Variants in PTPRN2 observed in about 807,000 individuals in gnomAD.
The protein encoded by PTPRN2 is protein tyrosine phosphatase receptor type N2, also known as receptor-type tyrosine-protein phosphatase N2.
A neutral mutation model predicts 118.8 loss-of-function variants in PTPRN2; 74 were observed. The observed-to-expected ratio is 0.62, with a 90% CI of 0.52 to 0.76. PTPRN2 has a LOEUF of 0.76. Among genes scored for constraint, PTPRN2 ranks in the 30% least tolerant of loss-of-function variants. PTPRN2 has a pLI of 0.00. For synonymous variants in PTPRN2, 641 were observed against 608.0 expected (o/e 1.05, Z -0.80); for missense variants, 1,481 against 1,394.4 (o/e 1.06, Z -0.99).
intron 2 of PTPRN2, among the ~76,000 whole-genome samples, chr7:158,363,394 G>T (rs890673904): frequency 2.0e-5 from 3 of 152,122 alleles, no homozygotes; most frequent in Non-Finnish European, 4.4e-5. Flanking sequence ...ACCCACGCTG[G>T]AACCACTGCG....
At position 157,936,852 on chromosome 7, in the gene PTPRN2, T is replaced by C. The variant is rs186860207; in HGVS notation, c.1724-38115A>G. ...AGTTCGCAGGGAGTGTATGAGGCCA[T>C]CCTTTCGGTCATTCATGCCATTTTC... On this transcript the variant is annotated intron_variant, in intron 11 of 22. Coordinates refer to ENST00000389418, the MANE Select transcript of PTPRN2 (RefSeq NM_002847.5). Among the ~76,000 whole-genome samples, 34 of 152,342 alleles carry C rather than the reference T, an allele frequency of 2.2e-4. No individual in the cohort carries two copies. In the East Asian group the frequency reaches 6.0e-3, roughly 27 times the overall value.
chr7:158,165,958 G>T (rs976368142), intron 6 of PTPRN2, among the ~76,000 whole-genome samples: 4 of 152,158 alleles, frequency 2.6e-5, no homozygotes, highest in Non-Finnish European at 5.9e-5. Flanking sequence ...CAGACAGGGG[G>T]CTTCGGAGGA....
At chr7:158,587,443 C>CT in intron 1 of PTPRN2, 115 bp downstream of exon 1, 1 of 489,574 alleles carries the variant, frequency 2.0e-6, no homozygotes, top group Non-Finnish European at 2.5e-6. Flanking sequence ...CGCCTCTCCC[C>CT]CCGACCCCTC....
At chr7:158,137,474 G>T (rs73514415) in intron 7 of PTPRN2, among the ~76,000 whole-genome samples, 89 of 152,136 alleles carry the variant, frequency 5.9e-4, no homozygotes, top group African/African-American at 2.0e-3. Flanking sequence ...AGTGCCCAAA[G>T]GTGCGTGACT....
intron 13 of PTPRN2, among the ~76,000 whole-genome samples, chr7:157,663,867 A>G (rs901245105): frequency 6.6e-6 from 1 of 152,214 alleles, no homozygotes; most frequent in Non-Finnish European, 1.5e-5. Flanking sequence ...AAAATTTTGT[A>G]AGGAAAAACA....
chr7:158,151,093 A>C (rs1821013802), intron 6 of PTPRN2, among the ~76,000 whole-genome samples: 2 of 35,784 alleles, frequency 5.6e-5, no homozygotes, highest in Non-Finnish European at 1.2e-4. Context: ...GCCTGCCCAA[A>C]CCGCCCGCCT....
At chr7:157,703,886 C>T (rs949738765) in intron 12 of PTPRN2, among the ~76,000 whole-genome samples, 2 of 152,212 alleles carry the variant, frequency 1.3e-5, no homozygotes, top group African/African-American at 2.4e-5. Flanking sequence ...TTCTCTTTCC[C>T]TGTAATATTT....
chr7:157,680,222 C>T (rs1309005845), intron 13 of PTPRN2, among the ~76,000 whole-genome samples: 2 of 152,140 alleles, frequency 1.3e-5, no homozygotes, highest in African/African-American at 4.8e-5. Context: ...CAAATTGTTC[C>T]ATTTTCCTTG....
intron 2 of PTPRN2, among the ~76,000 whole-genome samples, chr7:158,468,630 C>A (rs1563329191): frequency 6.6e-6 from 1 of 152,226 alleles, no homozygotes; most frequent in Non-Finnish European, 1.5e-5. Context: ...CCAACGTGCA[C>A]AGAGCTGTGG....
intron 12 of PTPRN2, among the ~76,000 whole-genome samples, chr7:157,726,003 G>T (rs1165956014): frequency 7.1e-6 from 1 of 141,256 alleles, no homozygotes; most frequent in Non-Finnish European, 1.5e-5. Context: ...CCTCCCAGGA[G>T]AACTGGATAT....
intron 2 of PTPRN2, among the ~76,000 whole-genome samples, chr7:158,414,584 A>C (rs1814488760): frequency 6.6e-6 from 1 of 152,206 alleles, no homozygotes; most frequent in African/African-American, 2.4e-5. Context: ...CATTAGGAAG[A>C]AGCTGGCACG....
chr7:158,070,758 GGTGGAGGT>G (rs1811270886), intron 11 of PTPRN2, among the ~76,000 whole-genome samples: 13 of 127,674 alleles, frequency 1.0e-4, no homozygotes, highest in Admixed American at 1.0e-3. Context: ...TGCCCGTGGT[GGTGGAGGT>G]GCTCATGGTG....
At chr7:158,520,935 C>T (rs1394348520) in intron 1 of PTPRN2, among the ~76,000 whole-genome samples, 1 of 152,140 alleles carries the variant, frequency 6.6e-6, no homozygotes, top group East Asian at 1.9e-4. Context: ...CACAGGCACC[C>T]TGCAGGCCAT....
Position 157,543,870 on chromosome 7 carries a change from C to T in PTPRN2, c.2977-3085G>A, listed in dbSNP as rs76863334. ...AAAGTAGACAAGCTCCAAGCCACAC[C>T]GTGAGAGTTGAGCCCTGCCCAAGTT... On this transcript the variant is annotated intron_variant, in intron 22 of 22. Coordinates refer to ENST00000389418, the MANE Select transcript of PTPRN2 (RefSeq NM_002847.5). 8.9e-3 allele frequency among the ~76,000 whole-genome samples: 1,353 copies of T among 152,268 alleles called. 13 individuals carry two copies. The highest frequency in any genetic ancestry group is 0.031 in the African/African-American group (1,291 of 41,540).
intron 12 of PTPRN2, among the ~76,000 whole-genome samples, chr7:157,862,280 A>G (rs148175186): frequency 1.0e-3 from 155 of 152,344 alleles, no homozygotes; most frequent in Non-Finnish European, 1.6e-3. Flanking sequence ...CAGGACTTCA[A>G]CATATCTTTC....
intron 17 of PTPRN2, among the ~76,000 whole-genome samples, chr7:157,584,609 A>C (rs1436084052): frequency 6.6e-6 from 1 of 152,248 alleles, no homozygotes; most frequent in Non-Finnish European, 1.5e-5. Flanking sequence ...GGGCCCACGC[A>C]ATTCTGCTGC....
At chr7:157,999,211 G>C (rs961228134) in intron 11 of PTPRN2, among the ~76,000 whole-genome samples, 1 of 152,160 alleles carries the variant, frequency 6.6e-6, no homozygotes, top group Non-Finnish European at 1.5e-5. Context: ...GGCAGATTTA[G>C]TTGCCTGAAC....
chr7:158,211,180 A>G (rs1278629454), intron 3 of PTPRN2, among the ~76,000 whole-genome samples: 2 of 152,188 alleles, frequency 1.3e-5, no homozygotes, highest in Non-Finnish European at 2.9e-5. Flanking sequence ...ATAAAAATGG[A>G]TTAAAGACAT....
At chr7:157,999,564 GC>G (rs1448267313) in intron 11 of PTPRN2, among the ~76,000 whole-genome samples, 3 of 152,132 alleles carry the variant, frequency 2.0e-5, no homozygotes, top group African/African-American at 7.2e-5. Flanking sequence ...CTGCTCCCTG[GC>G]TGGACTTGCT....
Sources: allele counts gnomAD v4.1 joint callset (sites outside exome capture counted in the v4.1 genomes callset), GRCh38; gene constraint gnomAD v4.1.1; transcripts MANE v1.5; gene names NCBI Gene and HGNC (gene_info 2026-07-23, HGNC 2026-07-21).